ATP11A: variants seen among roughly 807,000 people sequenced by gnomAD.
ATP11A encodes ATPase phospholipid transporting 11A.
In ATP11A, 81 loss-of-function variants were observed where a neutral mutation model predicts 154.4. That is an observed-to-expected ratio of 0.52 (90% CI 0.44 to 0.63). The LOEUF (loss-of-function observed/expected upper bound fraction) is 0.63. Ranked by LOEUF, ATP11A falls within the 30% of genes least tolerant of loss-of-function variation. The probability of loss-of-function intolerance (pLI) is 0.00; values close to 1 mark genes in which losing one functional copy is unlikely to be tolerated. For synonymous variants in ATP11A, 623 were observed against 585.9 expected (o/e 1.06, Z -0.91); for missense variants, 1,316 against 1,474.3 (o/e 0.89, Z 1.76).
Position 112,785,417 on chromosome 13 carries a change from G to A in ATP11A, c.162+160G>A, listed in dbSNP as rs1231755058. Among the ~76,000 whole-genome samples, 2 of 151,748 alleles carry A rather than the reference G, an allele frequency of 1.3e-5. No individual in the cohort carries two copies. Among genetic ancestry groups the A allele is most frequent in the Non-Finnish European group, 2.9e-5 (2 of 67,966 alleles). ...GCTTCGGATCAGGACCTCACCGAGG[G>A]CGCTACTCTCTCCCTCTCGGTGACT... On this transcript the variant is annotated intron_variant, in intron 2 of 29. Transcript: ENST00000375645. The surrounding 1 kb of genome is among the most constrained non-coding windows in gnomAD (Gnocchi z 4.8).
chr13:112,725,064 G>A (rs553553568), intron 1 of ATP11A, among the ~76,000 whole-genome samples: 24 of 152,296 alleles, frequency 1.6e-4, no homozygotes, highest in Admixed American at 1.4e-3. Flanking sequence ...GCTGATGGCC[G>A]ACGCCTCTTG....
In ATP11A at chr13:112,886,128, A is replaced by C. The variant is rs1233956880; in HGVS notation, c.*4262A>C. On this transcript the variant is annotated 3_prime_UTR_variant, in exon 30 of 30. Transcript: ENST00000375645. ...GCCGCGGCCGCCTAAAGCCCCAGTC[A>C]ACCCAGCCTGTGTCTGAGCAGACAG... 2.0e-5 allele frequency: 3 copies of C among 152,322 alleles called. No homozygotes were observed. The highest frequency in any genetic ancestry group is 6.5e-5 in the Admixed American group (1 of 15,288). 9.4% of individuals were successfully genotyped at this position (152,322 alleles called of 1,614,324 possible). A position where few individuals can be genotyped will look rare whatever the true frequency, so the allele number is the denominator to read the frequency against.
intron 1 of ATP11A, among the ~76,000 whole-genome samples, chr13:112,706,567 A>G (rs1440639732): frequency 2.6e-5 from 4 of 152,256 alleles, no homozygotes; most frequent in Admixed American, 2.6e-4. Flanking sequence ...GGTCTATAAC[A>G]TTTCTTTTAC....
At chr13:112,755,638 G>A (rs191015536) in intron 1 of ATP11A, among the ~76,000 whole-genome samples, 1 of 152,238 alleles carries the variant, frequency 6.6e-6, no homozygotes, top group Non-Finnish European at 1.5e-5. Context: ...GCGGCTCCTA[G>A]AACCATTTCC....
intron 1 of ATP11A, among the ~76,000 whole-genome samples, chr13:112,768,131 G>A (rs1003646365): frequency 2.0e-5 from 3 of 152,318 alleles, no homozygotes; most frequent in Non-Finnish European, 2.9e-5. Flanking sequence ...GCCTTCCTCC[G>A]ACTTCCTCAT....
rs905897171 is a variant in ATP11A at position 112,875,974 on chromosome 13, C to G, written c.3327+33C>G. On this transcript the variant is annotated intron_variant, in intron 28 of 29. Transcript: ENST00000375645. This position sits in a 1 kb window ranked among gnomAD's most constrained non-coding sequence, Gnocchi z 4.1. ...GTGTCCCCAGCCGGGGCGGGGGTGC[C>G]TCAGGGCCCTGGCCTTAGGATTGGG... The G allele has an allele frequency of 6.3e-7, 1 of 1,592,234 alleles. No individual in the cohort carries two copies.
rs888022275 is a variant in ATP11A, at chr13:112,884,522, A to G, written c.*2656A>G. ...GACAAGGGGCACGAGATAAAAAAGAAAAGGATGAGAAGATCCTCAGTGAAT... is the reference window on the plus strand; with the variant it reads ...GACAAGGGGCACGAGATAAAAAAGAGAAGGATGAGAAGATCCTCAGTGAAT... On this transcript the variant is annotated 3_prime_UTR_variant, in exon 30 of 30. Coordinates refer to ENST00000375645, the MANE Select transcript of ATP11A (RefSeq NM_015205.3). The G allele has an allele frequency of 2.0e-5, 3 of 152,258 alleles. No homozygotes were observed. Among genetic ancestry groups the G allele is most frequent in the African/African-American group, 7.2e-5 (3 of 41,446 alleles). The allele number at this position is 152,258 out of a possible 1,614,324, so 9.4% of individuals were successfully genotyped here.
chr13:112,799,470 A>T (rs2140110139), intron 2 of ATP11A, among the ~76,000 whole-genome samples: 2 of 152,252 alleles, frequency 1.3e-5, no homozygotes, highest in Middle Eastern at 6.8e-3. Flanking sequence ...AATTACAGTT[A>T]AAGGTGGTTA....
intron 1 of ATP11A, among the ~76,000 whole-genome samples, chr13:112,704,963 A>G (rs918081684): frequency 1.3e-5 from 2 of 152,186 alleles, no homozygotes; most frequent in African/African-American, 4.8e-5. Context: ...TTTGCAGGCA[A>G]ATGGGACCAC....
At chr13:112,782,973 T>A (rs1241891781) in intron 1 of ATP11A, among the ~76,000 whole-genome samples, 2 of 152,262 alleles carry the variant, frequency 1.3e-5, no homozygotes, top group Non-Finnish European at 2.9e-5. Context: ...CAAACATCTC[T>A]GAAAACACAG....
chr13:112,822,187 C>CT (rs1445827221), intron 8 of ATP11A, among the ~76,000 whole-genome samples: 1 of 152,248 alleles, frequency 6.6e-6, no homozygotes, highest in Non-Finnish European at 1.5e-5. Context: ...AAGCAATCCT[C>CT]TGAATGTTAT....
chr13:112,880,698 C>T (rs187435022), intron 29 of ATP11A: 25 of 1,249,806 alleles, frequency 2.0e-5, no homozygotes, highest in Admixed American at 1.2e-4. Context: ...ACTGTCAGAC[C>T]CGTTTTTCCT....
intron 1 of ATP11A, among the ~76,000 whole-genome samples, chr13:112,775,505 T>C (rs980636629): frequency 2.0e-5 from 3 of 152,170 alleles, no homozygotes; most frequent in Non-Finnish European, 4.4e-5. Flanking sequence ...ACTGCAGTTT[T>C]CTCCTCTCCT....
intron 23 of ATP11A, 130 bp from the exon 24 acceptor site, chr13:112,860,157 A>T (rs2080059904): frequency 9.6e-7 from 1 of 1,040,648 alleles, no homozygotes; most frequent in Non-Finnish European, 1.4e-6. Flanking sequence ...ACCCTAGTTT[A>T]TATTGTTAAG....
At position 112,845,718 on chromosome 13, in the gene ATP11A, A is replaced by T. The variant is rs552113027; in HGVS notation, c.1809+3339A>T. On this transcript the variant is annotated intron_variant, in intron 17 of 29. Transcript: ENST00000375645. ...CCAGTTGCTGGCACTAGCGGTACTA[A>T]CCAGTCCAGTTACCAGGCACTAGCG... Among the ~76,000 whole-genome samples the T allele has an allele frequency of 8.5e-3, 1,030 of 121,872 alleles. 286 individuals are homozygous for T. Among genetic ancestry groups the T allele is most frequent in the African/African-American group, 0.036 (927 of 25,924 alleles). The allele number at this position is 121,872 out of a possible 152,430, so 80.0% of individuals were successfully genotyped here.
chr13:112,877,253 C>T lies in ATP11A; in HGVS notation c.3328-964C>T, dbSNP rs1006875556. Among the ~76,000 whole-genome samples the T allele has an allele frequency of 5.9e-5, 9 of 152,174 alleles. 1 individual carries two copies. Among genetic ancestry groups the T allele is most frequent in the African/African-American group, 1.2e-4 (5 of 41,438 alleles). On this transcript the variant is annotated intron_variant, in intron 28 of 29. Coordinates refer to ENST00000375645, the MANE Select transcript of ATP11A (RefSeq NM_015205.3). ...AGCCGGGGCCCTGGCTGAGACTCCG[C>T]GGCCCCCAGTGCTTCAGGGGAAACT...
Position 112,854,548 on chromosome 13 carries a change from G to T in ATP11A, c.2243+18G>T, listed in dbSNP as rs375121496. 4 of 1,593,834 alleles carry T rather than the reference G, an allele frequency of 2.5e-6. No individual in the cohort carries two copies. In the African/African-American group the frequency reaches 4.0e-5, roughly 16 times the overall value. ...CTGTCCGGGTAGGCAGCGCGTCCCC[G>T]CCCCCACCCCCACACTCCCGCAAAA... On this transcript the variant is annotated intron_variant, in intron 19 of 29. Coordinates refer to ENST00000375645, the MANE Select transcript of ATP11A (RefSeq NM_015205.3).
In ATP11A at chr13:112,803,365, G is replaced by T. The variant is rs147517134; in HGVS notation, c.163-1592G>T. 2.4e-3 allele frequency among the ~76,000 whole-genome samples: 371 copies of T among 152,310 alleles called. 1 individual carries two copies. Among genetic ancestry groups the T allele is most frequent in the African/African-American group, 8.6e-3 (359 of 41,554 alleles). On this transcript the variant is annotated intron_variant, in intron 2 of 29. Transcript: ENST00000375645. The stretch of plus-strand genomic sequence containing the variant: ...GGAATTAAAGAAATTCTTGGTATGA[G>T]AATTTGACAACTACTTCTGGCTTCC...
At chr13:112,803,688 C>G (rs1055746928) in intron 2 of ATP11A, among the ~76,000 whole-genome samples, 1 of 149,152 alleles carries the variant, frequency 6.7e-6, no homozygotes, top group African/African-American at 2.5e-5. Context: ...TCCCTCCTTC[C>G]CCTCCCTCCC....
Sources: gnomAD v4.1 joint callset for allele counts (sites outside exome capture counted in the v4.1 genomes callset) on GRCh38, gnomAD v4.1.1 for gene constraint, Gnocchi (gnomAD v3.1) non-coding constraint, MANE v1.5 for transcripts, NCBI Gene and HGNC (gene_info 2026-07-23, HGNC 2026-07-21) for gene names.